GDF5: variants seen among roughly 807,000 people sequenced by gnomAD.
GDF5 encodes the protein growth differentiation factor 5.
In GDF5, 17 loss-of-function variants were observed where a neutral mutation model predicts 34.6. The ratio of observed to expected loss-of-function variants is 0.49; its 90% CI spans 0.34 to 0.74. The LOEUF is 0.74. Among genes scored for constraint, GDF5 ranks in the 30% least tolerant of loss-of-function variants. The pLI, the probability that GDF5 is intolerant of heterozygous loss-of-function variation, is 0.01. For synonymous variants in GDF5, 332 were observed against 290.7 expected (o/e 1.14, Z -1.44); for missense variants, 616 against 661.2 (o/e 0.93, Z 0.75).
In GDF5 at chr20:35,433,730, G is replaced by A. The variant is rs2062453110; in HGVS notation, c.*179C>T. ...GCAATCCTCAGCCAGGGGAACTTGT[G>A]GATAAAAGGGGGCCTTTAGCCCAAG... On this transcript the variant is annotated 3_prime_UTR_variant, in exon 2 of 2. Transcript: ENST00000374369. The A allele has an allele frequency of 1.6e-5, 11 of 686,232 alleles. 1 individual carries two copies. Among genetic ancestry groups the A allele is most frequent in the South Asian group, 1.6e-4 (10 of 63,522 alleles). The allele number at this position is 686,232 out of a possible 1,614,324, so 42.5% of individuals were successfully genotyped here.
In GDF5 at chr20:35,437,693, C is replaced by T. The variant is rs1177108177; in HGVS notation, c.236G>A (p.Gly79Asp). The change falls in exon 1 of 2, where the codon GGC (glycine) becomes GAC (aspartate). Residue 79 changes from glycine to aspartate, a missense_variant. Transcript: ENST00000374369. ...ATNANARAKG[G>D]TGQTGGLTQP... Reference sequence around the variant, plus strand: ...TGTCAGGCCTCCTGTCTGCCCGGTGCCTCCCTTTGCCCTGGCATTGGCATT... The same window carrying T: ...TGTCAGGCCTCCTGTCTGCCCGGTGTCTCCCTTTGCCCTGGCATTGGCATT... The T allele has an allele frequency of 1.2e-6, 2 of 1,614,076 alleles. No individual in the cohort carries two copies. Among genetic ancestry groups the T allele is most frequent in the Non-Finnish European group, 1.7e-6 (2 of 1,179,970 alleles).
intron 1 of GDF5, among the ~76,000 whole-genome samples, chr20:35,445,348 T>C (rs918004169): frequency 2.0e-5 from 3 of 151,442 alleles, no homozygotes; most frequent in Non-Finnish European, 4.4e-5. Context: ...CTGGGCAACA[T>C]AGCAAGACCT....
intron 1 of GDF5, 53 bp from the exon 2 acceptor site, chr20:35,434,836 C>G (rs767257766): frequency 6.3e-7 from 1 of 1,577,614 alleles, no homozygotes; most frequent in Non-Finnish European, 8.7e-7. Context: ...GGGAGCCAGT[C>G]ACTTCGAGGC....
chr20:35,439,110 G>C (rs1465097695), upstream of GDF5, among the ~76,000 whole-genome samples: 3 of 151,944 alleles, frequency 2.0e-5, no homozygotes, highest in East Asian at 3.9e-4. Context: ...GATGGCGGCA[G>C]GTCCAGGGTG....
intron 1 of GDF5, among the ~76,000 whole-genome samples, chr20:35,445,024 G>A (rs569472652): frequency 6.6e-6 from 1 of 152,120 alleles, no homozygotes. Context: ...GTGAGCCACC[G>A]TGCCTGGCCT....
At position 35,434,349 on chromosome 20, in the gene GDF5, T is replaced by G. The variant is rs1477577582; in HGVS notation, c.1066A>C (p.Asn356His). ...TGGCCAGAGCGGGCCTTAATCTCAT[T>G]AAAGAACAGGTCCCGTTTCTTGGTG... Reference protein sequence around the residue: ...GRTKKRDLFFNEIKARSGQDD... With the variant: ...GRTKKRDLFFHEIKARSGQDD... The change falls in exon 2 of 2, where the codon AAT becomes CAT. Residue 356 changes from asparagine to histidine, a missense_variant. Transcript: ENST00000374369. The G allele has an allele frequency of 1.1e-5, 17 of 1,613,794 alleles. No individual in the cohort carries two copies. The highest frequency in any genetic ancestry group is 1.7e-5 in the Admixed American group (1 of 60,018).
At chr20:35,440,533 T>C (rs1252850909), upstream of GDF5, among the ~76,000 whole-genome samples, 2 of 151,876 alleles carry the variant, frequency 1.3e-5, no homozygotes, top group African/African-American at 4.8e-5. Context: ...AAGCTACCCA[T>C]CAAACAAGTG....
At chr20:35,438,792 C>G (rs960769842), upstream of GDF5, among the ~76,000 whole-genome samples, 2 of 149,278 alleles carry the variant, frequency 1.3e-5, no homozygotes, top group Admixed American at 1.3e-4. Flanking sequence ...AGTTTCAACT[C>G]CTGCATCTAG....
intron 1 of GDF5, among the ~76,000 whole-genome samples, chr20:35,445,556 C>G (rs1226436114): frequency 6.6e-6 from 1 of 151,708 alleles, no homozygotes; most frequent in African/African-American, 2.4e-5. Flanking sequence ...CCTAGCTACT[C>G]GGGAGGCTGA....
At position 35,434,300 on chromosome 20, in the gene GDF5, T is replaced by C. The variant is rs1305723321; in HGVS notation, c.1115A>G (p.Tyr372Cys). 2 of 1,613,950 alleles carry C rather than the reference T, an allele frequency of 1.2e-6. No individual in the cohort carries two copies. Among genetic ancestry groups the C allele is most frequent in the Non-Finnish European group, 1.7e-6 (2 of 1,180,012 alleles). The part of the protein sequence containing the change: ...SGQDDKTVYE[Y>C]LFSQRRKRRA... ...CCGTTTTCGCCGCTGGCTGAACAGG[T>C]ACTCATACACGGTCTTATCGTCCTG... is the stretch of plus-strand genomic sequence containing the variant. Residue 372 changes from tyrosine to cysteine, a missense_variant, in exon 2 of 2, where the codon TAC (tyrosine) becomes TGC (cysteine). Transcript: ENST00000374369.
intron 1 of GDF5, among the ~76,000 whole-genome samples, chr20:35,446,145 T>TA (rs2062513426): frequency 6.6e-6 from 1 of 151,622 alleles, no homozygotes. Flanking sequence ...CCGTCTCTAC[T>TA]AAAAATACAA....
At chr20:35,453,724 G>C (rs527634621) in intron 1 of GDF5, among the ~76,000 whole-genome samples, 1 of 152,198 alleles carries the variant, frequency 6.6e-6, no homozygotes, top group Admixed American at 6.5e-5. Flanking sequence ...TGTTCTTACA[G>C]GAGAAAGATA....
Position 35,434,614 on chromosome 20 carries a change from G to T in GDF5, c.801C>A (p.Ser267Arg). 2 of 1,600,500 alleles carry T rather than the reference G, an allele frequency of 1.2e-6. No homozygotes were observed. Among genetic ancestry groups the T allele is most frequent in the Non-Finnish European group, 1.7e-6 (2 of 1,171,190 alleles). The change falls in exon 2 of 2, where the codon AGC (serine) becomes AGA (arginine). Residue 267 changes from serine (S) to arginine (R), a missense_variant. Ser to Arg is a moderately radical substitution (Grantham distance 110). Transcript: ENST00000374369. ...CGGCCGGCTGCCGGCCGCTGGGGCAGCTGGACAGCTTCAGCTGGGCAGCCC... is the reference window on the plus strand; with the variant it reads ...CGGCCGGCTGCCGGCCGCTGGGGCATCTGGACAGCTTCAGCTGGGCAGCCC... ...GGRAAQLKLS[S>R]CPSGRQPAAL...
chr20:35,435,264 A>G (rs990783698), intron 1 of GDF5: 3 of 258,606 alleles, frequency 1.2e-5, no homozygotes, highest in Non-Finnish European at 2.3e-5. Flanking sequence ...CAGCCTGCAC[A>G]ACATGGTGAC....
intron 1 of GDF5, among the ~76,000 whole-genome samples, chr20:35,448,907 G>A (rs1039236688): frequency 6.6e-6 from 1 of 152,188 alleles, no homozygotes; most frequent in African/African-American, 2.4e-5. Flanking sequence ...TGAGTGAGAG[G>A]GGGCTAGGAC....
upstream of GDF5, chr20:35,441,290 A>C (rs1222878640): frequency 1.3e-5 from 2 of 152,178 alleles, no homozygotes; most frequent in African/African-American, 4.8e-5. Flanking sequence ...GCAGTGGCTC[A>C]CGCCTGTAAT....
intron 1 of GDF5, among the ~76,000 whole-genome samples, chr20:35,447,923 T>C (rs1405174340): frequency 6.6e-6 from 1 of 151,774 alleles, no homozygotes; most frequent in African/African-American, 2.4e-5. Context: ...GAGATCAGTC[T>C]GAGCAACATG....
intron 1 of GDF5, 44 bp from the exon 2 acceptor site, chr20:35,434,827 G>A (rs1284383023): frequency 6.2e-7 from 1 of 1,605,052 alleles, no homozygotes; most frequent in Non-Finnish European, 8.5e-7. Context: ...CCTCACCAAG[G>A]GAGCCAGTCA....
At chr20:35,449,945 A>C (rs1026701983) in intron 1 of GDF5, among the ~76,000 whole-genome samples, 2 of 151,776 alleles carry the variant, frequency 1.3e-5, no homozygotes, top group African/African-American at 4.8e-5. Flanking sequence ...GCTATGATCA[A>C]ATCACTGCAC....
Sources: allele counts gnomAD v4.1 joint callset (sites outside exome capture counted in the v4.1 genomes callset), GRCh38; gene constraint gnomAD v4.1.1; transcripts MANE v1.5; gene names NCBI Gene and HGNC (gene_info 2026-07-23, HGNC 2026-07-21).